Variants in TACC2 observed in about 807,000 individuals in gnomAD.
The protein encoded by TACC2 is transforming acidic coiled-coil-containing protein 2.
TACC2 carries 137 observed loss-of-function variants against 227.3 expected under a neutral mutation model. That is an observed-to-expected ratio of 0.60 (90% CI 0.52 to 0.69). TACC2 has a LOEUF of 0.69. Ranked by LOEUF, TACC2 falls within the 30% of genes least tolerant of loss-of-function variation. The pLI is 0.00. For missense variants in TACC2, 3,470 were observed against 3,694.4 expected (o/e 0.94, Z 1.57); for synonymous variants, 1,523 against 1,487.5 (o/e 1.02, Z -0.55).
intron 20 of TACC2, 101 bp from the exon 21 acceptor site, chr10:122,248,949 G>C (rs977189735): frequency 8.1e-6 from 12 of 1,480,058 alleles, no homozygotes; most frequent in African/African-American, 2.8e-5. Flanking sequence ...AGACTTGGCC[G>C]CCTGGGGTTA....
At chr10:122,037,776 T>G (rs1486741033) in intron 2 of TACC2, among the ~76,000 whole-genome samples, 2 of 152,202 alleles carry the variant, frequency 1.3e-5, no homozygotes, top group African/African-American at 4.8e-5. Flanking sequence ...GTCTTTCTCT[T>G]GTACACAATG....
intron 18 of TACC2, among the ~76,000 whole-genome samples, chr10:122,241,288 T>A (rs2141715082): frequency 6.6e-6 from 1 of 152,252 alleles, no homozygotes; most frequent in South Asian, 2.1e-4. Flanking sequence ...TTGGCTTTAT[T>A]TTTAATTTTT....
intron 5 of TACC2, among the ~76,000 whole-genome samples, chr10:122,107,314 C>T (rs977948118): frequency 6.6e-6 from 1 of 152,064 alleles, no homozygotes; most frequent in African/African-American, 2.4e-5. Flanking sequence ...GCGCGTGGAT[C>T]ACTTGAGGTC....
intron 7 of TACC2, chr10:122,192,365 G>A (rs146269549): frequency 2.3e-4 from 64 of 273,740 alleles, no homozygotes; most frequent in African/African-American, 1.2e-3. Context: ...GGCTAGAACC[G>A]AGGGGCATCC....
chr10:122,213,813 T>C (rs919287046), intron 9 of TACC2, among the ~76,000 whole-genome samples: 4 of 152,224 alleles, frequency 2.6e-5, no homozygotes, highest in African/African-American at 4.8e-5. Context: ...AGCTTATTCT[T>C]GCTAACATGT....
intron 5 of TACC2, among the ~76,000 whole-genome samples, chr10:122,103,455 G>A (rs1253366188): frequency 6.6e-6 from 1 of 152,194 alleles, no homozygotes; most frequent in African/African-American, 2.4e-5. Flanking sequence ...ACTTAGCAGA[G>A]GGCCATCTTT....
intron 8 of TACC2, among the ~76,000 whole-genome samples, chr10:122,195,472 C>A (rs551957383): frequency 6.6e-6 from 1 of 152,138 alleles, no homozygotes; most frequent in East Asian, 1.9e-4. Context: ...CAGCACTTGG[C>A]CCCTTGCTCT....
chr10:122,001,457 T>C (rs906902979), intron 1 of TACC2, among the ~76,000 whole-genome samples: 5 of 152,164 alleles, frequency 3.3e-5, no homozygotes, highest in African/African-American at 1.2e-4. Context: ...ATGATTCAAT[T>C]ACCTCCCACT....
At chr10:121,997,723 C>A (rs1953723925) in intron 1 of TACC2, among the ~76,000 whole-genome samples, 1 of 152,166 alleles carries the variant, frequency 6.6e-6, no homozygotes, top group African/African-American at 2.4e-5. Context: ...AGGGCACATG[C>A]TTAACGGCCA....
intron 2 of TACC2, among the ~76,000 whole-genome samples, chr10:122,027,208 G>A (rs1005728158): frequency 6.6e-6 from 1 of 152,156 alleles, no homozygotes; most frequent in Admixed American, 6.6e-5. Flanking sequence ...TGTTGACATA[G>A]GATGTGGAAC....
chr10:122,229,590 C>T (rs1053199450), intron 15 of TACC2, 104 bp downstream of exon 15: 37 of 1,330,778 alleles, frequency 2.8e-5, no homozygotes, highest in East Asian at 1.2e-4. Context: ...GAGGAACTGC[C>T]GAGAACGTTC....
intron 16 of TACC2, among the ~76,000 whole-genome samples, chr10:122,233,325 C>T (rs990521096): frequency 1.3e-5 from 2 of 152,330 alleles, no homozygotes; most frequent in Admixed American, 1.3e-4. Flanking sequence ...CTGGGTGGCT[C>T]TCCAAGAGGC....
At chr10:122,052,696 AAAC>A (rs1554982090) in intron 3 of TACC2, 1 of 149,240 alleles carries the variant, frequency 6.7e-6, no homozygotes, top group African/African-American at 2.4e-5. Flanking sequence ...AAAAAAAAAA[AAAC>A]AAACAGGTGC....
intron 7 of TACC2, among the ~76,000 whole-genome samples, chr10:122,144,858 TTGGC>T (rs1435104415): frequency 6.6e-6 from 1 of 152,184 alleles, no homozygotes; most frequent in Non-Finnish European, 1.5e-5. Context: ...CAGATTGTTG[TTGGC>T]AGAGCAGGAA....
At chr10:122,126,426 A>T (rs2086892626) in intron 5 of TACC2, among the ~76,000 whole-genome samples, 2 of 150,670 alleles carry the variant, frequency 1.3e-5, no homozygotes, top group South Asian at 4.2e-4. Flanking sequence ...CGACTCCCCC[A>T]GCTGGGAAGT....
intron 5 of TACC2, among the ~76,000 whole-genome samples, chr10:122,090,027 C>G (rs2080568832): frequency 6.6e-6 from 1 of 152,090 alleles, no homozygotes. Flanking sequence ...ATCTGTCTAG[C>G]TTGGAAAAGT....
chr10:122,158,608 G>A (rs1413614665), intron 7 of TACC2, among the ~76,000 whole-genome samples: 1 of 152,094 alleles, frequency 6.6e-6, no homozygotes, highest in Non-Finnish European at 1.5e-5. Context: ...ACTTTGAAAG[G>A]TTCCAGGTGT....
intron 2 of TACC2, among the ~76,000 whole-genome samples, chr10:122,039,920 A>G (rs182254066): frequency 6.2e-4 from 95 of 152,194 alleles, no homozygotes; most frequent in Admixed American, 1.6e-3. Context: ...CTCAGCCTGA[A>G]ACCTCTTCTA....
At chr10:122,208,295 A>G (rs1263683409) in intron 8 of TACC2, among the ~76,000 whole-genome samples, 2 of 152,312 alleles carry the variant, frequency 1.3e-5, no homozygotes, top group East Asian at 3.9e-4. Flanking sequence ...AAGTGTGACC[A>G]GTCAAGGGGG....
Sources: allele counts gnomAD v4.1 joint callset (sites outside exome capture counted in the v4.1 genomes callset), GRCh38; gene constraint gnomAD v4.1.1; transcripts MANE v1.5; gene names NCBI Gene and HGNC (gene_info 2026-07-23, HGNC 2026-07-21).